ROBO2: variants seen among roughly 807,000 people sequenced by gnomAD.
The protein encoded by ROBO2 is roundabout homolog 2.
A neutral mutation model predicts 160.8 loss-of-function variants in ROBO2; 53 were observed. The observed-to-expected ratio is 0.33, with a 90% CI of 0.26 to 0.41. The LOEUF (loss-of-function observed/expected upper bound fraction) is 0.41. Among genes scored for constraint, ROBO2 ranks in the 10% least tolerant of loss-of-function variants. The pLI, the probability that ROBO2 is intolerant of heterozygous loss-of-function variation, is 1.00. For missense variants in ROBO2, 1,577 were observed against 1,722.4 expected (o/e 0.92, Z 1.49); for synonymous variants, 664 against 611.7 (o/e 1.09, Z -1.26).
intron 2 of ROBO2, among the ~76,000 whole-genome samples, chr3:76,122,768 A>G (rs1290123410): frequency 6.6e-6 from 1 of 152,152 alleles, no homozygotes; most frequent in Non-Finnish European, 1.5e-5. Flanking sequence ...TTGATACTGT[A>G]GCATGATGGA....
chr3:77,473,820 G>A (rs2083659363), intron 2 of ROBO2, among the ~76,000 whole-genome samples: 1 of 152,076 alleles, frequency 6.6e-6, no homozygotes, highest in African/African-American at 2.4e-5. Flanking sequence ...CCTCGCTGAG[G>A]ACTTGTTTAC....
intron 23 of ROBO2, among the ~76,000 whole-genome samples, chr3:77,628,648 A>T (rs921949865): frequency 1.5e-4 from 23 of 152,212 alleles, no homozygotes; most frequent in Non-Finnish European, 3.2e-4. Flanking sequence ...AAAAATATTT[A>T]CCATAAATAT....
chr3:76,787,552 C>A (rs2063072202), intron 2 of ROBO2, among the ~76,000 whole-genome samples: 1 of 151,336 alleles, frequency 6.6e-6, no homozygotes, highest in Non-Finnish European at 1.5e-5. Context: ...GGGAATGTGA[C>A]TTTCTGCAAT....
At chr3:76,337,284 C>T (rs2073953615) in intron 2 of ROBO2, among the ~76,000 whole-genome samples, 1 of 152,152 alleles carries the variant, frequency 6.6e-6, no homozygotes, top group South Asian at 2.1e-4. Context: ...GCTCTGTATA[C>T]ACTAGAAAAT....
intron 2 of ROBO2, among the ~76,000 whole-genome samples, chr3:76,212,916 T>A (rs62267412): frequency 0.97 from 147,299 of 151,936 alleles, 71,530 homozygotes; most frequent in Non-Finnish European, 1. Flanking sequence ...GTTCTTAGTT[T>A]CACTTTTGGT....
At chr3:76,327,772 A>G (rs1466534372) in intron 2 of ROBO2, among the ~76,000 whole-genome samples, 1 of 152,192 alleles carries the variant, frequency 6.6e-6, no homozygotes, top group African/African-American at 2.4e-5. Context: ...TGATGTGCAG[A>G]TTTTGTGAGG....
At chr3:76,058,939 G>C (rs1302015369) in intron 2 of ROBO2, among the ~76,000 whole-genome samples, 1 of 150,878 alleles carries the variant, frequency 6.6e-6, no homozygotes, top group East Asian at 2.0e-4. Context: ...TGAGAATGAT[G>C]GTTTCCAGCT....
chr3:76,321,209 C>T (rs2072494350), intron 2 of ROBO2, among the ~76,000 whole-genome samples: 1 of 152,112 alleles, frequency 6.6e-6, no homozygotes, highest in Non-Finnish European at 1.5e-5. Flanking sequence ...TGCAAATGAG[C>T]ACAGGGAGGT....
At chr3:76,337,334 A>C (rs1273108284) in intron 2 of ROBO2, among the ~76,000 whole-genome samples, 2 of 152,198 alleles carry the variant, frequency 1.3e-5, no homozygotes. Flanking sequence ...CGTAAACACT[A>C]TTGGTATTAT....
chr3:76,142,115 T>C (rs1391193188), intron 2 of ROBO2, among the ~76,000 whole-genome samples: 1 of 152,022 alleles, frequency 6.6e-6, no homozygotes, highest in Non-Finnish European at 1.5e-5. Flanking sequence ...AAATAAGTTA[T>C]AGAATGTCCA....
At chr3:76,526,234 A>T (rs1193657075) in intron 2 of ROBO2, among the ~76,000 whole-genome samples, 2 of 152,052 alleles carry the variant, frequency 1.3e-5, no homozygotes, top group Non-Finnish European at 2.9e-5. Context: ...TTAAAGTCAG[A>T]TCATAAGACT....
chr3:76,824,143 A>T (rs1294628410), intron 2 of ROBO2, among the ~76,000 whole-genome samples: 1 of 152,154 alleles, frequency 6.6e-6, no homozygotes, highest in Non-Finnish European at 1.5e-5. Flanking sequence ...GGAGGAAGGG[A>T]ATGTACTGGA....
intron 2 of ROBO2, among the ~76,000 whole-genome samples, chr3:76,397,672 A>C (rs2077544280): frequency 6.6e-6 from 1 of 152,194 alleles, no homozygotes; most frequent in Admixed American, 6.5e-5. Context: ...AAGGACATGA[A>C]CAGACACTTC....
intron 2 of ROBO2, among the ~76,000 whole-genome samples, chr3:76,714,077 C>T (rs1202733698): frequency 6.6e-6 from 1 of 151,994 alleles, no homozygotes; most frequent in African/African-American, 2.4e-5. Flanking sequence ...GGAATGAAGT[C>T]TTTTAATACC....
chr3:77,394,089 C>T (rs9836683), intron 2 of ROBO2, among the ~76,000 whole-genome samples: 118,588 of 152,062 alleles, frequency 0.78, 47,153 homozygotes, highest in East Asian at 1. Flanking sequence ...AACACCATAA[C>T]AGTCTTTCAA....
chr3:76,331,518 T>A (rs915530443), intron 2 of ROBO2, among the ~76,000 whole-genome samples: 14 of 152,068 alleles, frequency 9.2e-5, no homozygotes, highest in Non-Finnish European at 1.6e-4. Context: ...ATTTCCTTTA[T>A]GCCTCTAGAT....
intron 2 of ROBO2, among the ~76,000 whole-genome samples, chr3:76,259,903 A>G (rs911518920): frequency 6.6e-6 from 1 of 152,184 alleles, no homozygotes; most frequent in Non-Finnish European, 1.5e-5. Context: ...TGCTGGCAGC[A>G]TCAGTGAATC....
intron 20 of ROBO2, among the ~76,000 whole-genome samples, chr3:77,605,816 C>G (rs2094516311): frequency 6.6e-6 from 1 of 152,128 alleles, no homozygotes; most frequent in African/African-American, 2.4e-5. Flanking sequence ...TTCTGTTACT[C>G]AGTTCTGGTG....
At chr3:77,154,023 G>A (rs2077758344) in intron 2 of ROBO2, among the ~76,000 whole-genome samples, 1 of 151,894 alleles carries the variant, frequency 6.6e-6, no homozygotes, top group South Asian at 2.1e-4. Context: ...GAGCAGGATG[G>A]AACAAGCTTA....
Sources: gnomAD v4.1 joint callset for allele counts (sites outside exome capture counted in the v4.1 genomes callset) on GRCh38, gnomAD v4.1.1 for gene constraint, MANE v1.5 for transcripts, NCBI Gene and HGNC (gene_info 2026-07-23, HGNC 2026-07-21) for gene names.